The following OSR2 variants were observed in gnomAD, a reference collection of about 807,000 sequenced individuals.
The protein encoded by OSR2 is odd-skipped related transciption factor 2, also known as protein odd-skipped-related 2.
Under a neutral mutation model 22.3 loss-of-function variants are expected in OSR2, and 8 were observed. That is an observed-to-expected ratio of 0.36 (90% CI 0.21 to 0.65). The LOEUF is 0.65. Among genes scored for constraint, OSR2 ranks in the 30% least tolerant of loss-of-function variants. The pLI is 0.66. For synonymous variants in OSR2, 179 were observed against 173.8 expected (o/e 1.03, Z -0.23); for missense variants, 311 against 413.4 (o/e 0.75, Z 2.15).
At position 98,951,563 on chromosome 8, in the gene OSR2, G is replaced by A. The variant is rs766258394; in HGVS notation, c.801G>A (p.Gln267=). ...CCACATGTGGAAGAACCTTTAATCA[G>A]AGAAGTAATCTGAAAACTCACCTTC... ...KCPTCGRTFN[Q]RSNLKTHLLT... is the part of the protein sequence containing the mutation. The change falls in exon 4 of 4, where the codon CAG becomes CAA. Residue 267 remains glutamine (Q), a synonymous_variant. Coordinates refer to ENST00000297565, the MANE Select transcript of OSR2 (RefSeq NM_001142462.3). The A allele has an allele frequency of 2.5e-6, 4 of 1,612,194 alleles. No homozygotes were observed. Among genetic ancestry groups the A allele is most frequent in the East Asian group, 2.2e-5 (1 of 44,822 alleles).
chr8:98,948,496 G>C lies in OSR2; in HGVS notation c.-114-343G>C. 3.0e-6 allele frequency: 1 copy of C among 328,330 alleles called. No individual in the cohort carries two copies. Among genetic ancestry groups the C allele is most frequent in the South Asian group, 2.4e-5 (1 of 41,932 alleles). The allele number at this position is 328,330 out of a possible 1,614,324, so 20.3% of individuals were successfully genotyped here. A position where few individuals can be genotyped will look rare whatever the true frequency, so the allele number is the denominator to read the frequency against. ...TAACAGGCTTGGGGAGGGTGGGCTG[G>C]GCTGGGCTGGGCTGGGCTGGGTGCT... On this transcript the variant is annotated intron_variant, in intron 1 of 3. Transcript: ENST00000297565. The surrounding 1 kb of genome is among the most constrained non-coding windows in gnomAD (Gnocchi z 6.0).
At chr8:98,945,251 G>T (rs1564122037) in intron 1 of OSR2, among the ~76,000 whole-genome samples, 1 of 152,216 alleles carries the variant, frequency 6.6e-6, no homozygotes, top group Non-Finnish European at 1.5e-5. Flanking sequence ...CGACGCTGAA[G>T]GCACATTTCA....
chr8:98,948,743 G>A lies in OSR2; in HGVS notation c.-114-96G>A. On this transcript the variant is annotated intron_variant, in intron 1 of 3. Coordinates refer to ENST00000297565, the MANE Select transcript of OSR2 (RefSeq NM_001142462.3). The surrounding 1 kb of genome is among the most constrained non-coding windows in gnomAD (Gnocchi z 6.0). ...GGTCTTGGAGTCGGGTGGGGAGGGAGACTTAGGTGTGGTAACCTGCGCAGG... is the reference window on the plus strand; with the variant it reads ...GGTCTTGGAGTCGGGTGGGGAGGGAAACTTAGGTGTGGTAACCTGCGCAGG... 3 of 1,378,466 alleles carry A rather than the reference G, an allele frequency of 2.2e-6. No individual in the cohort carries two copies. The highest frequency in any genetic ancestry group is 2.9e-6 in the Non-Finnish European group (3 of 1,040,560). The allele number at this position is 1,378,466 out of a possible 1,614,324, so 85.4% of individuals were successfully genotyped here.
At chr8:98,950,961 G>C in intron 3 of OSR2, 1 of 600,860 alleles carries the variant, frequency 1.7e-6, no homozygotes, top group Middle Eastern at 3.7e-4. Context: ...TCAAAAAACG[G>C]CCACTTTGAT....
rs1398873500 is a variant in OSR2 at position 98,952,022 on chromosome 8, A to C, written c.*321A>C. On this transcript the variant is annotated 3_prime_UTR_variant, in exon 4 of 4. Coordinates refer to ENST00000297565, the MANE Select transcript of OSR2 (RefSeq NM_001142462.3). ...CTTTGGGATCTTGTTGGATGCACTT[A>C]GATATGGAAAATGGAAGCCAAATTT... 3 of 232,628 alleles carry C rather than the reference A, an allele frequency of 1.3e-5. No homozygotes were observed. The highest frequency in any genetic ancestry group is 6.7e-5 in the African/African-American group (3 of 44,740). 14.4% of individuals were successfully genotyped at this position (232,628 alleles called of 1,614,324 possible).
chr8:98,950,996 T>G (rs1840766730), intron 3 of OSR2: 10 of 596,434 alleles, frequency 1.7e-5, no homozygotes, highest in South Asian at 4.3e-5. Context: ...ATTTTAGAAT[T>G]TTTTTCATCC....
rs1262265124 is a variant in OSR2 at position 98,949,793 on chromosome 8, G to GCTAC, written c.656+186_656+189dup. The stretch of plus-strand genomic sequence containing the variant: ...CCCTTTCTTTCCCCCAGCGGCTCTT[G>GCTAC]CTACGTTCTTGTTTGGAATGAGGGA... On this transcript the variant is annotated intron_variant, in intron 2 of 3. Coordinates refer to ENST00000297565, the MANE Select transcript of OSR2 (RefSeq NM_001142462.3). This position sits in a 1 kb window ranked among gnomAD's most constrained non-coding sequence, Gnocchi z 5.9. 1.3e-5 allele frequency among the ~76,000 whole-genome samples: 2 copies of GCTAC among 152,180 alleles called. No homozygotes were observed. Among genetic ancestry groups the GCTAC allele is most frequent in the Admixed American group, 6.5e-5 (1 of 15,280 alleles).
chr8:98,948,616 G>T lies in OSR2; in HGVS notation c.-114-223G>T. 1.0e-6 allele frequency: 1 copy of T among 994,678 alleles called. No homozygotes were observed. Among genetic ancestry groups the T allele is most frequent in the Non-Finnish European group, 1.4e-6 (1 of 702,440 alleles). 61.6% of individuals were successfully genotyped at this position (994,678 alleles called of 1,614,324 possible). ...ATCCGACTTTCTTTCCTTTGGGCAC[G>T]CGCTCGCCAGTGGAGCACTTCTTGT... On this transcript the variant is annotated intron_variant, in intron 1 of 3. Transcript: ENST00000297565. The surrounding 1 kb of genome is among the most constrained non-coding windows in gnomAD (Gnocchi z 6.0).
Position 98,951,657 on chromosome 8 carries a change from C to G in OSR2, c.895C>G (p.Leu299Val), listed in dbSNP as rs1220602072. ...CAAAGTGTTCAGGCGAAACTGTGAT[C>G]TGCGGCGGCACAGCCTGACTCACAC... ...CGKVFRRNCD[L>V]RRHSLTHTPR... Residue 299 changes from leucine to valine, a missense_variant, in exon 4 of 4, where the codon CTG becomes GTG. By Grantham distance (32) the Leu-to-Val change is conservative. This residue lies in a region of OSR2 where 70 missense variants were observed against 84.5 expected (regional missense o/e 0.83). Transcript: ENST00000297565. 25 of 1,613,914 alleles carry G rather than the reference C, an allele frequency of 1.5e-5. No individual in the cohort carries two copies. Among genetic ancestry groups the G allele is most frequent in the Non-Finnish European group, 2.1e-5 (25 of 1,179,892 alleles).
rs1243900837 is a variant in OSR2 at position 98,949,315 on chromosome 8, G to A, written c.363G>A (p.Leu121=). The A allele has an allele frequency of 2.5e-6, 4 of 1,613,396 alleles. No homozygotes were observed. The highest frequency in any genetic ancestry group is 8.5e-7 in the Non-Finnish European group (1 of 1,179,616). The change falls in exon 2 of 4, where the codon TTG becomes TTA. Residue 121 remains leucine, a synonymous_variant. Transcript: ENST00000297565. The surrounding 1 kb of genome is among the most constrained non-coding windows in gnomAD (Gnocchi z 5.9). ...KDRPRFDFAN[L]AVAATQEDPP... ...GGCCCCGTTTTGACTTTGCCAATTTGGCGGTGGCTGCCACGCAAGAGGATC... is the reference window on the plus strand; with the variant it reads ...GGCCCCGTTTTGACTTTGCCAATTTAGCGGTGGCTGCCACGCAAGAGGATC...
intron 3 of OSR2, 43 bp downstream of exon 3, chr8:98,950,798 TATC>T (rs932917300): frequency 3.1e-6 from 4 of 1,288,680 alleles, no homozygotes; most frequent in African/African-American, 2.9e-5. Context: ...TGGTTCGTGT[TATC>T]ATTACTGCTT....
At chr8:98,945,381 C>T (rs142018429) in intron 1 of OSR2, among the ~76,000 whole-genome samples, 194 of 152,340 alleles carry the variant, frequency 1.3e-3, no homozygotes, top group African/African-American at 4.4e-3. Flanking sequence ...GGCTTAAACG[C>T]TCGGATTCCT....
At chr8:98,944,956 C>T (rs1840561283) in intron 1 of OSR2, 133 bp downstream of exon 1, 8 of 152,192 alleles carry the variant, frequency 5.3e-5, no homozygotes, top group Admixed American at 4.6e-4. Flanking sequence ...GGATGCAATC[C>T]CAGGGCACTG....
intron 3 of OSR2, 119 bp downstream of exon 3, chr8:98,950,874 G>A: frequency 1.4e-6 from 1 of 713,832 alleles, no homozygotes; most frequent in South Asian, 1.5e-5. Context: ...TAGTTCTCTA[G>A]GTGGGGAAAA....
At chr8:98,951,106 C>G (rs1317016212) in intron 3 of OSR2, 3 of 499,712 alleles carry the variant, frequency 6.0e-6, no homozygotes, top group Non-Finnish European at 1.0e-5. Flanking sequence ...TTCCCAAGGG[C>G]CTCATAATTT....
intron 1 of OSR2, among the ~76,000 whole-genome samples, chr8:98,947,691 T>A (rs1489269691): frequency 1.3e-5 from 2 of 152,164 alleles, no homozygotes; most frequent in Non-Finnish European, 2.9e-5. Flanking sequence ...GGAAGCGCCC[T>A]GCTTAGGCCC....
intron 3 of OSR2, 68 bp downstream of exon 3, chr8:98,950,823 T>C: frequency 1.0e-6 from 1 of 975,636 alleles, no homozygotes; most frequent in South Asian, 1.4e-5. Flanking sequence ...GCAAAAGGTG[T>C]TCAATGGCAG....
chr8:98,948,893 C>T lies in OSR2; in HGVS notation c.-60C>T, dbSNP rs1306847002. ...GGTTTTTGTCGGAGCCCCACGCCCT[C>T]CGGCCTCTGATTCCTGGAAGAAAGG... On this transcript the variant is annotated 5_prime_UTR_variant, in exon 2 of 4. Coordinates refer to ENST00000297565, the MANE Select transcript of OSR2 (RefSeq NM_001142462.3). The surrounding 1 kb of genome is among the most constrained non-coding windows in gnomAD (Gnocchi z 6.0). 6.2e-7 allele frequency: 1 copy of T among 1,613,168 alleles called. No homozygotes were observed. The highest frequency in any genetic ancestry group is 1.7e-5 in the Admixed American group (1 of 60,020).
chr8:98,951,089 G>A (rs957698664), intron 3 of OSR2: 3 of 518,466 alleles, frequency 5.8e-6, no homozygotes, highest in South Asian at 3.0e-5. Context: ...AATCCCATAC[G>A]TTCTCTTTCC....
Sources: gnomAD v4.1 joint callset for allele counts (sites outside exome capture counted in the v4.1 genomes callset) on GRCh38, gnomAD v4.1.1 for gene constraint, gnomAD v4.1.1 regional missense constraint, Gnocchi (gnomAD v3.1) non-coding constraint, MANE v1.5 for transcripts, NCBI Gene and HGNC (gene_info 2026-07-23, HGNC 2026-07-21) for gene names.